TOX3: variants seen among roughly 807,000 people sequenced by gnomAD.
The protein encoded by TOX3 is TOX high mobility group box family member 3, also known as CAG trinucleotide repeat-containing gene F9 protein.
A neutral mutation model predicts 64.3 loss-of-function variants in TOX3; 22 were observed. The ratio of observed to expected loss-of-function variants is 0.34; its 90% CI spans 0.24 to 0.49. The LOEUF (loss-of-function observed/expected upper bound fraction) is 0.49, where lower values mean the gene tolerates loss of function less well. Ranked by LOEUF, TOX3 falls within the 20% of genes least tolerant of loss-of-function variation. The pLI, the probability that TOX3 is intolerant of heterozygous loss-of-function variation, is 0.99. For synonymous variants in TOX3, 291 were observed against 273.6 expected, an observed-to-expected ratio of 1.06 and a Z score of -0.63; for missense variants, 661 against 714.4, an observed-to-expected ratio of 0.93 and a Z score of 0.85.
intron 3 of TOX3, among the ~76,000 whole-genome samples, chr16:52,463,419 T>G (rs1227011605): frequency 1.3e-5 from 2 of 152,238 alleles, no homozygotes; most frequent in African/African-American, 4.8e-5. Context: ...TTAGGTGTAT[T>G]TCACATAATC....
intron 6 of TOX3, among the ~76,000 whole-genome samples, chr16:52,442,789 A>T (rs1375523646): frequency 6.6e-6 from 1 of 152,218 alleles, no homozygotes; most frequent in African/African-American, 2.4e-5. Flanking sequence ...TTACTGAATT[A>T]AAAAACAAAC....
chr16:52,448,969 C>T (rs1453713699), intron 4 of TOX3, among the ~76,000 whole-genome samples: 1 of 152,230 alleles, frequency 6.6e-6, no homozygotes, highest in African/African-American at 2.4e-5. Context: ...GGCTCTCAAA[C>T]TAAAACCCAA....
At chr16:52,518,150 T>C (rs1335759275) in intron 1 of TOX3, among the ~76,000 whole-genome samples, 1 of 152,198 alleles carries the variant, frequency 6.6e-6, no homozygotes, top group African/African-American at 2.4e-5. Context: ...CATCTCCTAA[T>C]AATATTTCAG....
chr16:52,450,185 A>G (rs564788814), intron 4 of TOX3, 92 bp downstream of exon 4: 1 of 1,468,782 alleles, frequency 6.8e-7, no homozygotes, highest in African/African-American at 1.4e-5. Context: ...ATCCATGAAG[A>G]CAAACAAGAT....
intron 2 of TOX3, among the ~76,000 whole-genome samples, chr16:52,465,895 A>C (rs990525737): frequency 1.1e-4 from 17 of 152,194 alleles, no homozygotes; most frequent in Non-Finnish European, 2.2e-4. Flanking sequence ...ATACATTTGA[A>C]TGCTAGACTA....
rs934893658 is a variant in TOX3 at position 52,437,698 on chromosome 16, T to G, written c.*1527A>C. On this transcript the variant is annotated 3_prime_UTR_variant, in exon 7 of 7. Transcript: ENST00000219746. ...AAGAATTAGCATTCACCATCTATTT[T>G]AATCGCAATAACATTACAATACCCA... Among the ~76,000 whole-genome samples, 1 of 151,904 alleles carries G rather than the reference T, an allele frequency of 6.6e-6. No individual in the cohort carries two copies. Among genetic ancestry groups the G allele is most frequent in the Non-Finnish European group, 1.5e-5 (1 of 68,014 alleles).
At chr16:52,512,217 TGGATTTTGTTTTACCTGAATCAAAG>T (rs1312707347) in intron 1 of TOX3, among the ~76,000 whole-genome samples, 3 of 152,172 alleles carry the variant, frequency 2.0e-5, no homozygotes, top group African/African-American at 4.8e-5. Context: ...TTGGCTCAAA[TGGATTTTGTTTTACCTGAATCAAAG>T]GGATTTTGTT....
chr16:52,499,054 G>C (rs1016433768), intron 1 of TOX3, among the ~76,000 whole-genome samples: 3 of 152,188 alleles, frequency 2.0e-5, no homozygotes, highest in Non-Finnish European at 4.4e-5. Flanking sequence ...CATAATAAGA[G>C]AGGTGCTGAT....
chr16:52,467,253 G>A (rs1214237895), intron 2 of TOX3, among the ~76,000 whole-genome samples: 5 of 152,000 alleles, frequency 3.3e-5, no homozygotes, highest in African/African-American at 9.7e-5. Flanking sequence ...TGATTCAAAT[G>A]TAGGGAAAAA....
intron 1 of TOX3, among the ~76,000 whole-genome samples, chr16:52,543,164 A>C (rs1171783560): frequency 6.6e-6 from 1 of 152,202 alleles, no homozygotes. Flanking sequence ...CACATTAAAC[A>C]CAGTATCTTA....
chr16:52,479,468 A>C (rs1961308978), intron 1 of TOX3, among the ~76,000 whole-genome samples: 1 of 152,232 alleles, frequency 6.6e-6, no homozygotes, highest in Non-Finnish European at 1.5e-5. Context: ...ATGACAGCTG[A>C]AGATAAAATT....
chr16:52,513,308 A>G (rs1484639144), intron 1 of TOX3, among the ~76,000 whole-genome samples: 4 of 152,244 alleles, frequency 2.6e-5, no homozygotes, highest in Non-Finnish European at 4.4e-5. Context: ...CATTTGGGTT[A>G]TAACTGGAGA....
chr16:52,439,616 T>A lies in TOX3; in HGVS notation c.1340A>T (p.Gln447Leu). The change falls in exon 7 of 7, where the codon CAG becomes CTG. Residue 447 changes from glutamine to leucine, a missense_variant. This residue lies in a region of TOX3 where 299 missense variants were observed against 292.1 expected (regional missense o/e 1.02). Transcript: ENST00000219746. The part of the protein sequence containing the change: ...QTQQHQMQLQ[Q>L]QQQQQQQQMQ... The stretch of plus-strand genomic sequence containing the variant: ...CTGTTGTTGTTGCTGCTGCTGCTGC[T>A]GCTGCAATTGCATCTGATGCTGCTG... 1 of 1,612,172 alleles carries A rather than the reference T, an allele frequency of 6.2e-7. No individual in the cohort carries two copies.
At chr16:52,482,627 G>A (rs1279752739) in intron 1 of TOX3, among the ~76,000 whole-genome samples, 1 of 152,064 alleles carries the variant, frequency 6.6e-6, no homozygotes, top group Admixed American at 6.6e-5. Context: ...TAAACATGCA[G>A]CATATTTGGA....
At chr16:52,509,210 C>G (rs948987995) in intron 1 of TOX3, among the ~76,000 whole-genome samples, 1 of 152,096 alleles carries the variant, frequency 6.6e-6, no homozygotes, top group Admixed American at 6.5e-5. Flanking sequence ...AGCCTCATTA[C>G]AAAGAACATC....
rs530344970 is a variant in TOX3, at chr16:52,538,246, T to C, written c.87+8391A>G. ...ATATTTCTAGATTTAACTCATCCCC[T>C]TTTGAAGAAGATCAACTTCCAACCA... On this transcript the variant is annotated intron_variant, in intron 1 of 6. Transcript: ENST00000219746. Among the ~76,000 whole-genome samples the C allele has an allele frequency of 2.6e-5, 4 of 152,338 alleles. No homozygotes were observed. In the South Asian group the frequency reaches 8.3e-4, roughly 32 times the overall value.
At position 52,439,392 on chromosome 16, in the gene TOX3, T is replaced by G; in HGVS notation, c.1564A>C (p.Met522Leu). 1 of 1,594,854 alleles carries G rather than the reference T, an allele frequency of 6.3e-7. No homozygotes were observed. Among genetic ancestry groups the G allele is most frequent in the Non-Finnish European group, 8.5e-7 (1 of 1,169,662 alleles). ...QRLQLQQLQH[M>L]QHQSQPSPRQ... Reference sequence around the variant, plus strand: ...GGAGAAGGCTGAGACTGGTGCTGCATGTGTTGCAGCTGCTGCAGCTGGAGG... The same window carrying G: ...GGAGAAGGCTGAGACTGGTGCTGCAGGTGTTGCAGCTGCTGCAGCTGGAGG... The change falls in exon 7 of 7, where the codon ATG (methionine) becomes CTG (leucine). Residue 522 changes from methionine (M) to leucine (L), a missense_variant. Met to Leu is a conservative substitution (Grantham distance 15, BLOSUM62 2). Around this residue, in one of 3 missense-constraint regions of TOX3, gnomAD observed 299 missense variants for 292.1 expected, o/e 1.02. Transcript: ENST00000219746.
rs570989027 is a variant in TOX3, at chr16:52,546,748, G to A, written c.-25C>T. On this transcript the variant is annotated 5_prime_UTR_variant, in exon 1 of 7. Transcript: ENST00000219746. ...TGCCGAAGCTGGGCCCGGGGCCGGG[G>A]GCCGGGACTGGGGTTCGCCGGGGCC... 475 of 1,498,666 alleles carry A rather than the reference G, an allele frequency of 3.2e-4. 1 individual carries two copies. Among genetic ancestry groups the A allele is most frequent in the Admixed American group, 1.2e-3 (56 of 47,748 alleles). The allele number at this position is 1,498,666 out of a possible 1,614,324, so 92.8% of individuals were successfully genotyped here. A position where few individuals can be genotyped will look rare whatever the true frequency, so the allele number is the denominator to read the frequency against.
intron 1 of TOX3, among the ~76,000 whole-genome samples, chr16:52,490,808 T>G (rs1352424634): frequency 6.6e-6 from 1 of 151,790 alleles, no homozygotes; most frequent in Admixed American, 6.6e-5. Context: ...TTTTTATTTT[T>G]TGTAGAGACA....
Sources: gnomAD v4.1 joint callset for allele counts (sites outside exome capture counted in the v4.1 genomes callset) on GRCh38, gnomAD v4.1.1 for gene constraint, gnomAD v4.1.1 regional missense constraint, MANE v1.5 for transcripts, NCBI Gene and HGNC (gene_info 2026-07-23, HGNC 2026-07-21) for gene names.